Variants in METTL21A observed in about 807,000 individuals in gnomAD.
METTL21A encodes protein N-lysine methyltransferase METTL21A.
A neutral mutation model predicts 20.9 loss-of-function variants in METTL21A; 22 were observed. The ratio of observed to expected loss-of-function variants is 1.05; its 90% CI spans 0.75 to 1.50. The LOEUF (loss-of-function observed/expected upper bound fraction) is 1.50, where lower values mean the gene tolerates loss of function less well. Ranked by LOEUF, METTL21A falls within the 40% of genes most tolerant of loss-of-function variation. METTL21A has a pLI of 0.00. For synonymous variants in METTL21A, 93 were observed against 102.0 expected (o/e 0.91, Z 0.53); for missense variants, 271 against 266.8 (o/e 1.02, Z -0.11).
chr2:207,619,765 G>T (rs2090255035), intron 3 of METTL21A, among the ~76,000 whole-genome samples: 1 of 52,982 alleles, frequency 1.9e-5, no homozygotes, highest in Non-Finnish European at 3.6e-5. Context: ...CAGATTGCTA[G>T]ATCAGAAAAA....
intron 3 of METTL21A, chr2:207,601,010 C>T (rs547497711): frequency 3.1e-5 from 6 of 190,928 alleles, no homozygotes; most frequent in East Asian, 8.4e-5. Flanking sequence ...TTGAAGATCA[C>T]GGCTGCTTCA....
At chr2:207,592,290 C>A (rs191209414) in intron 3 of METTL21A, among the ~76,000 whole-genome samples, 1 of 152,128 alleles carries the variant, frequency 6.6e-6, no homozygotes, top group Admixed American at 6.5e-5. Flanking sequence ...GCCTGTAGTC[C>A]CAGCTACTCG....
chr2:207,582,920 T>A lies in METTL21A; in HGVS notation c.260-760A>T, dbSNP rs183982204. On this transcript the variant is annotated intron_variant, in intron 3 of 3. Transcript: ENST00000425132. ...AAACAAACAAACAAACAAAAAAAAA[T>A]ATATATATATACATACACACACACA... is the stretch of plus-strand genomic sequence containing the variant. 2.2e-3 allele frequency: 589 copies of A among 266,846 alleles called. 6 individuals are homozygous for A. The highest frequency in any genetic ancestry group is 7.8e-3 in the African/African-American group (337 of 42,956). The allele number at this position is 266,846 out of a possible 1,614,324, so 16.5% of individuals were successfully genotyped here. A position where few individuals can be genotyped will look rare whatever the true frequency, so the allele number is the denominator to read the frequency against.
At chr2:207,602,350 T>C (rs960835014) in intron 3 of METTL21A, 16 of 201,484 alleles carry the variant, frequency 7.9e-5, no homozygotes, top group African/African-American at 3.7e-4. Context: ...TCTGGTACGG[T>C]GGGTGCAGGT....
At chr2:207,588,044 T>C (rs940819140) in intron 3 of METTL21A, among the ~76,000 whole-genome samples, 15 of 152,242 alleles carry the variant, frequency 9.9e-5, no homozygotes, top group African/African-American at 3.6e-4. Flanking sequence ...TATTAGAATA[T>C]TACTGCATCT....
downstream of METTL21A, chr2:207,609,225 C>T (rs2088579391): frequency 6.6e-6 from 1 of 152,146 alleles, no homozygotes; most frequent in African/African-American, 2.4e-5. Context: ...AGAGAACGTC[C>T]TGTTTTTAAG....
At chr2:207,581,346 C>T (rs188441045), downstream of METTL21A, 35 of 199,344 alleles carry the variant, frequency 1.8e-4, no homozygotes, top group African/African-American at 7.6e-4. Flanking sequence ...CTATATACAA[C>T]TAGCCATTAA....
chr2:207,581,268 GT>G (rs1382242427), downstream of METTL21A: 1 of 197,636 alleles, frequency 5.1e-6, no homozygotes, highest in South Asian at 1.9e-4. Flanking sequence ...AATGGATAGG[GT>G]AAAAAATTTG....
chr2:207,599,315 G>A (rs1479460360), intron 3 of METTL21A: 2 of 204,848 alleles, frequency 9.8e-6, no homozygotes, highest in Non-Finnish European at 2.0e-5. Context: ...TTCACAAGTT[G>A]GAATTATTTA....
intron 3 of METTL21A, among the ~76,000 whole-genome samples, chr2:207,588,909 T>C (rs1316202833): frequency 1.3e-5 from 2 of 151,940 alleles, no homozygotes; most frequent in African/African-American, 2.4e-5. Flanking sequence ...GTAGATTCTT[T>C]GGGATTCTCT....
intron 3 of METTL21A, among the ~76,000 whole-genome samples, chr2:207,589,351 C>T (rs1018039728): frequency 2.0e-5 from 3 of 152,132 alleles, no homozygotes; most frequent in Non-Finnish European, 4.4e-5. Flanking sequence ...ATCTCTGTTC[C>T]CCTTCTGCAG....
chr2:207,602,932 C>G (rs1340944500), intron 3 of METTL21A: 1 of 215,998 alleles, frequency 4.6e-6, no homozygotes, highest in Non-Finnish European at 9.3e-6. Flanking sequence ...AGATGTATCA[C>G]TTGAAACTTT....
At chr2:207,582,792 C>T in intron 3 of METTL21A, 1 of 278,572 alleles carries the variant, frequency 3.6e-6, no homozygotes, top group South Asian at 3.0e-5. Context: ...ACTCAGGCGG[C>T]TGAGGCAGAA....
intron 3 of METTL21A, 59 bp from the exon 4 acceptor site, chr2:207,613,502 GA>G (rs2089268434): frequency 6.8e-7 from 1 of 1,467,676 alleles, no homozygotes; most frequent in East Asian, 2.3e-5. Flanking sequence ...GTTAGGTAGA[GA>G]GGGGGTCAAG....
chr2:207,623,364 T>C (rs748330822), intron 2 of METTL21A, among the ~76,000 whole-genome samples: 6 of 152,236 alleles, frequency 3.9e-5, no homozygotes, highest in Non-Finnish European at 8.8e-5. Context: ...CAATCATGCA[T>C]TCAACATTAA....
rs1479720286 is a variant in METTL21A, at chr2:207,625,055, C to G, written c.-30+210G>C. ...CCGAACTCCCCCTATAGCTGCCCCC[C>G]ACTCACCCCTCTCCCGGGACGACCA... On this transcript the variant is annotated intron_variant, in intron 1 of 3. Coordinates refer to ENST00000406927, the Ensembl canonical transcript of METTL21A. The G allele has an allele frequency of 2.0e-5, 3 of 152,714 alleles. No individual in the cohort carries two copies. The highest frequency in any genetic ancestry group is 3.9e-4 in the East Asian group (2 of 5,186). 9.5% of individuals were successfully genotyped at this position (152,714 alleles called of 1,614,324 possible). A position where few individuals can be genotyped will look rare whatever the true frequency, so the allele number is the denominator to read the frequency against.
chr2:207,604,747 C>T (rs926092628), downstream of METTL21A, among the ~76,000 whole-genome samples: 1 of 152,154 alleles, frequency 6.6e-6, no homozygotes, highest in African/African-American at 2.4e-5. Flanking sequence ...TTTTCTCCTC[C>T]CACCGCCCTT....
At chr2:207,583,243 C>T (rs1263969092) in intron 3 of METTL21A, among the ~76,000 whole-genome samples, 3 of 151,982 alleles carry the variant, frequency 2.0e-5, no homozygotes, top group African/African-American at 7.3e-5. Context: ...CATGAGAGTT[C>T]CTGGGACCAA....
chr2:207,620,238 G>A (rs1320792672), intron 3 of METTL21A, among the ~76,000 whole-genome samples: 2 of 152,162 alleles, frequency 1.3e-5, no homozygotes, highest in Non-Finnish European at 2.9e-5. Context: ...GAGGTCAGGA[G>A]TTCGAGACCA....
Sources: gnomAD v4.1 joint callset for allele counts (sites outside exome capture counted in the v4.1 genomes callset) on GRCh38, gnomAD v4.1.1 for gene constraint, MANE v1.5 for transcripts, NCBI Gene and HGNC (gene_info 2026-07-23, HGNC 2026-07-21) for gene names.